The following CYP51A1 variants were observed in gnomAD, a reference collection of about 807,000 sequenced individuals.
CYP51A1 encodes the protein lanosterol 14-alpha demethylase.
A neutral mutation model predicts 53.5 loss-of-function variants in CYP51A1; 45 were observed. The observed-to-expected ratio is 0.84, with a 90% confidence interval of 0.66 to 1.08. The LOEUF is 1.08. Among genes scored for constraint, CYP51A1 ranks in the 50% least tolerant of loss-of-function variants. The probability of loss-of-function intolerance (pLI) is 0.00; values close to 1 mark genes in which losing one functional copy is unlikely to be tolerated. For synonymous variants in CYP51A1, 181 were observed against 217.7 expected, an observed-to-expected ratio of 0.83 and a Z score of 1.48; for missense variants, 462 against 621.7, an observed-to-expected ratio of 0.74 and a Z score of 2.73.
At position 92,117,238 on chromosome 7, in the gene CYP51A1, T is replaced by C. The variant is rs577267157; in HGVS notation, c.1183-26A>G. The C allele has an allele frequency of 4.5e-5, 71 of 1,591,582 alleles. 2 individuals carry two copies. The South Asian group carries it at 7.5e-4, about 17-fold the overall frequency. On this transcript the variant is annotated intron_variant, in intron 8 of 9. Coordinates refer to ENST00000003100, the MANE Select transcript of CYP51A1 (RefSeq NM_000786.4). ...CTATAAACAAAAGCCACACATTTCA[T>C]TAGAGAATTTAAAAATGTGCTGACA...
intron 1 of CYP51A1, 36 bp from the exon 2 acceptor site, chr7:92,131,908 T>C: frequency 1.6e-6 from 2 of 1,288,406 alleles, no homozygotes; most frequent in Non-Finnish European, 2.3e-6. Context: ...CAATTCGTGT[T>C]TCATTTCAAG....
Position 92,123,259 on chromosome 7 carries a change from A to G in CYP51A1, c.947T>C (p.Leu316Ser). 2 of 1,614,122 alleles carry G rather than the reference A, an allele frequency of 1.2e-6. No homozygotes were observed. Among genetic ancestry groups the G allele is most frequent in the East Asian group, 2.2e-5 (1 of 44,872 alleles). ...EVAGMLIGLL[L>S]AGQHTSSTTS... is the part of the protein sequence containing the mutation. The stretch of plus-strand genomic sequence containing the variant: ...AGTTGAGGATGTATGCTGCCCTGCC[A>G]AGAGTAATCCAATAAGCATCCCTGC... The change falls in exon 7 of 10, where the codon TTG becomes TCG. Residue 316 changes from leucine to serine, a missense_variant. Physicochemically the swap from Leu to Ser is moderately radical, Grantham distance 145 (BLOSUM62 -2). Coordinates refer to ENST00000003100, the MANE Select transcript of CYP51A1 (RefSeq NM_000786.4).
chr7:92,125,144 C>CAAAAAAAAA (rs1232943204), intron 5 of CYP51A1, among the ~76,000 whole-genome samples: 3 of 67,136 alleles, frequency 4.5e-5, no homozygotes, highest in Non-Finnish European at 1.0e-4. Flanking sequence ...ACTCCATCAC[C>CAAAAAAAAA]AAAAAAAAAA....
intron 7 of CYP51A1, among the ~76,000 whole-genome samples, chr7:92,119,359 T>C (rs1819640028): frequency 2.6e-5 from 4 of 152,218 alleles, no homozygotes; most frequent in Non-Finnish European, 5.9e-5. Flanking sequence ...TACCTCTGGC[T>C]GACCTGTACA....
At chr7:92,131,405 G>A (rs1819913567) in intron 2 of CYP51A1, among the ~76,000 whole-genome samples, 1 of 152,148 alleles carries the variant, frequency 6.6e-6, no homozygotes, top group Non-Finnish European at 1.5e-5. Flanking sequence ...AATCACAGAA[G>A]ATGTATAGAG....
In CYP51A1 at chr7:92,113,834, C is replaced by T. The variant is rs542915180; in HGVS notation, c.1361G>A (p.Arg454His). The T allele has an allele frequency of 1.1e-5, 18 of 1,586,386 alleles. No homozygotes were observed. The highest frequency in any genetic ancestry group is 2.2e-5 in the East Asian group (1 of 44,512). Residue 454 changes from arginine (R) to histidine (H), a missense_variant, in exon 10 of 10, where the codon CGT (arginine) becomes CAT (histidine). Transcript: ENST00000003100. ...AYVPFGAGRH[R>H]CIGENFAYVQ... Reference sequence around the variant, plus strand: ...ATAGGCAAAATTTTCCCCAATACAACGATGACGCCCTAAAAAAAAGAAAAA... The same window carrying T: ...ATAGGCAAAATTTTCCCCAATACAATGATGACGCCCTAAAAAAAAGAAAAA...
chr7:92,134,726 G>C, upstream of CYP51A1: 1 of 233,380 alleles, frequency 4.3e-6, no homozygotes, highest in Non-Finnish European at 8.4e-6. Flanking sequence ...GCCCGGGTGC[G>C]GGGTGCCGGG....
At chr7:92,121,241 C>T (rs1048567086) in intron 7 of CYP51A1, among the ~76,000 whole-genome samples, 1 of 150,566 alleles carries the variant, frequency 6.6e-6, no homozygotes, top group African/African-American at 2.4e-5. Context: ...AAGGTCGCGC[C>T]ATTGCACTAG....
rs556946834 is a variant in CYP51A1, at chr7:92,125,816, T to C, written c.770+437A>G. On this transcript the variant is annotated intron_variant, in intron 5 of 9. Coordinates refer to ENST00000003100, the MANE Select transcript of CYP51A1 (RefSeq NM_000786.4). ...TTTGAAACCAGCCTGGCCAACATGA[T>C]GAAACCCTGTCTCTACTAAAAATAG... is the stretch of plus-strand genomic sequence containing the variant. Among the ~76,000 whole-genome samples, 18 of 152,246 alleles carry C rather than the reference T, an allele frequency of 1.2e-4. No individual in the cohort carries two copies. The South Asian group carries it at 3.5e-3, about 30-fold the overall frequency.
chr7:92,127,291 T>C (rs1819819555), intron 4 of CYP51A1, among the ~76,000 whole-genome samples: 1 of 152,230 alleles, frequency 6.6e-6, no homozygotes, highest in Non-Finnish European at 1.5e-5. Flanking sequence ...GGCACAGCAA[T>C]TGCTTCTGAA....
chr7:92,131,945 C>A (rs1819930103), intron 1 of CYP51A1, 73 bp from the exon 2 acceptor site: 4 of 915,986 alleles, frequency 4.4e-6, no homozygotes, highest in Non-Finnish European at 7.1e-6. Flanking sequence ...GTTTCATGAC[C>A]AAACAATTAA....
intron 1 of CYP51A1, among the ~76,000 whole-genome samples, chr7:92,132,340 C>A (rs1819939866): frequency 6.6e-6 from 1 of 152,202 alleles, no homozygotes; most frequent in Non-Finnish European, 1.5e-5. Context: ...TGCGTATAAC[C>A]TATGCACATC....
chr7:92,131,413 G>T (rs931168892), intron 2 of CYP51A1, among the ~76,000 whole-genome samples: 2 of 152,188 alleles, frequency 1.3e-5, no homozygotes, highest in African/African-American at 4.8e-5. Context: ...AAGATGTATA[G>T]AGCAGGTTAG....
At chr7:92,133,880 C>G (rs965035849) in intron 1 of CYP51A1, among the ~76,000 whole-genome samples, 3 of 152,204 alleles carry the variant, frequency 2.0e-5, no homozygotes, top group Admixed American at 1.3e-4. Context: ...CCACAAATGC[C>G]GCAACCACGA....
At position 92,117,101 on chromosome 7, in the gene CYP51A1, A is replaced by G; in HGVS notation, c.1294T>C (p.Tyr432His). The change falls in exon 9 of 10, where the codon TAC (tyrosine) becomes CAC (histidine). Residue 432 changes from tyrosine (Y) to histidine (H), a missense_variant. Tyr to His is a moderately conservative substitution (Grantham distance 83). Coordinates refer to ENST00000003100, the MANE Select transcript of CYP51A1 (RefSeq NM_000786.4). Reference protein sequence around the residue: ...VERLDFNPDRYLQDNPASGEK... With the variant: ...VERLDFNPDRHLQDNPASGEK... ...CCTGATGCTGGGTTATCCTGTAAGT[A>G]GCGATCAGGATTAAAGTCCAGGCGT... 13 of 1,614,106 alleles carry G rather than the reference A, an allele frequency of 8.1e-6. No individual in the cohort carries two copies. Among genetic ancestry groups the G allele is most frequent in the Non-Finnish European group, 1.1e-5 (13 of 1,179,986 alleles).
At chr7:92,123,359 A>G (rs767670467) in intron 6 of CYP51A1, 44 bp from the exon 7 acceptor site, 1 of 1,492,002 alleles carries the variant, frequency 6.7e-7, no homozygotes, top group Non-Finnish European at 9.3e-7. Flanking sequence ...TTTGGCAGAT[A>G]CATTTCATGC....
At chr7:92,123,422 C>T in intron 6 of CYP51A1, 107 bp from the exon 7 acceptor site, 1 of 996,952 alleles carries the variant, frequency 1.0e-6, no homozygotes, top group East Asian at 2.4e-5. Context: ...GTATAGTGGT[C>T]TCTTATATTT....
chr7:92,134,485 G>GC (rs1820003148), upstream of CYP51A1: 2 of 1,090,252 alleles, frequency 1.8e-6, no homozygotes, highest in East Asian at 5.5e-5. Flanking sequence ...ACTAAACCCA[G>GC]CCCCACCCCT....
intron 5 of CYP51A1, among the ~76,000 whole-genome samples, chr7:92,124,298 A>T (rs889627888): frequency 2.8e-4 from 42 of 152,344 alleles, no homozygotes; most frequent in African/African-American, 8.2e-4. Context: ...ACTTTCTAAT[A>T]CAATAGTTTT....
Sources: gnomAD v4.1 joint callset for allele counts (sites outside exome capture counted in the v4.1 genomes callset) on GRCh38, gnomAD v4.1.1 for gene constraint, MANE v1.5 for transcripts, NCBI Gene and HGNC (gene_info 2026-07-23, HGNC 2026-07-21) for gene names.